RNF10: variants seen among roughly 807,000 people sequenced by gnomAD.
RNF10 encodes E3 ubiquitin-protein ligase RNF10.
RNF10 carries 38 observed loss-of-function variants against 91.4 expected under a neutral mutation model. That is an observed-to-expected ratio of 0.42 (90% CI 0.32 to 0.54). The LOEUF (loss-of-function observed/expected upper bound fraction) is 0.54, where lower values mean the gene tolerates loss of function less well. RNF10 is among the 20% of genes least tolerant of loss of function. The pLI is 0.16. For synonymous variants in RNF10, 364 were observed against 366.3 expected (o/e 0.99, Z 0.07); for missense variants, 945 against 1,012.0 (o/e 0.93, Z 0.90).
At chr12:120,550,341 A>G (rs1370848745) in intron 2 of RNF10, among the ~76,000 whole-genome samples, 2 of 152,064 alleles carry the variant, frequency 1.3e-5, no homozygotes, top group South Asian at 2.1e-4. Context: ...ATCAGGAAGT[A>G]TGAGTGGCGT....
At chr12:120,542,874 C>A (rs1167394783) in intron 1 of RNF10, among the ~76,000 whole-genome samples, 1 of 152,120 alleles carries the variant, frequency 6.6e-6, no homozygotes, top group African/African-American at 2.4e-5. Flanking sequence ...AGGTAAGGGT[C>A]ACTGTCCGTA....
At chr12:120,549,802 AAATAAAT>A (rs1872779149) in intron 2 of RNF10, among the ~76,000 whole-genome samples, 1 of 152,196 alleles carries the variant, frequency 6.6e-6, no homozygotes, top group African/African-American at 2.4e-5. Flanking sequence ...ATAAGTGAAT[AAATAAAT>A]AATAAATAAA....
intron 13 of RNF10, among the ~76,000 whole-genome samples, chr12:120,568,112 G>A (rs986183802): frequency 6.6e-6 from 1 of 152,082 alleles, no homozygotes; most frequent in African/African-American, 2.4e-5. Flanking sequence ...AGGTGTGGTA[G>A]TGTGTACCTG....
intron 14 of RNF10, among the ~76,000 whole-genome samples, chr12:120,572,789 C>T (rs1472822505): frequency 6.6e-6 from 1 of 151,568 alleles, no homozygotes; most frequent in Non-Finnish European, 1.5e-5. Flanking sequence ...TTAGTAGAGA[C>T]AGGGTTTTAC....
intron 14 of RNF10, among the ~76,000 whole-genome samples, chr12:120,572,030 T>C (rs1876706571): frequency 2.0e-5 from 3 of 151,490 alleles, no homozygotes; most frequent in African/African-American, 7.3e-5. Flanking sequence ...ATAAACTTCT[T>C]TGAGGCTAGT....
chr12:120,572,503 G>T (rs1876794531), intron 14 of RNF10, among the ~76,000 whole-genome samples: 1 of 152,224 alleles, frequency 6.6e-6, no homozygotes, highest in African/African-American at 2.4e-5. Context: ...TGGAGGTGAG[G>T]TGAGAAGAGA....
At chr12:120,555,418 G>A (rs2137191160) in intron 4 of RNF10, among the ~76,000 whole-genome samples, 1 of 151,874 alleles carries the variant, frequency 6.6e-6, no homozygotes, top group East Asian at 1.9e-4. Context: ...CTGACTGCAA[G>A]TGATCCACCC....
intron 16 of RNF10, 92 bp downstream of exon 16, chr12:120,576,042 T>A (rs1877347786): frequency 5.3e-6 from 7 of 1,322,264 alleles, no homozygotes; most frequent in Admixed American, 3.4e-5. Flanking sequence ...CATCACTAAT[T>A]AGGCTCTTTC....
At chr12:120,564,988 AT>A (rs1875465583) in intron 10 of RNF10, 83 bp from the exon 11 acceptor site, 6 of 833,514 alleles carry the variant, frequency 7.2e-6, no homozygotes, top group Non-Finnish European at 1.0e-5. Context: ...TGTTATGTAT[AT>A]ATTGTTGGAT....
chr12:120,556,530 CAAAAAAAAAAAAA>C (rs34889649), intron 4 of RNF10, among the ~76,000 whole-genome samples: 4 of 19,206 alleles, frequency 2.1e-4, no homozygotes, highest in South Asian at 3.1e-3. Flanking sequence ...GACTCCGTCT[CAAAAAAAAAAAAA>C]AAAAAAAAAA....
At chr12:120,546,091 T>A in intron 1 of RNF10, among the ~76,000 whole-genome samples, 1 of 152,368 alleles carries the variant, frequency 6.6e-6, no homozygotes, top group East Asian at 1.9e-4. Context: ...CCTGTAACTT[T>A]ATCTGACTGA....
chr12:120,575,522 C>A lies in RNF10; in HGVS notation c.2143-109C>A. 5 of 1,177,216 alleles carry A rather than the reference C, an allele frequency of 4.2e-6. No individual in the cohort carries two copies. The South Asian group carries it at 6.6e-5, about 15-fold the overall frequency. 72.9% of individuals were successfully genotyped at this position (1,177,216 alleles called of 1,614,324 possible). ...GAGAGAAGTACCTGGAAAATCTTTT[C>A]AAAGGTGATAGTTGGTTCTGTGCCT... On this transcript the variant is annotated intron_variant, in intron 14 of 16. Coordinates refer to ENST00000325954, the MANE Select transcript of RNF10 (RefSeq NM_014868.5).
chr12:120,561,557 A>G (rs1032826694), intron 7 of RNF10, among the ~76,000 whole-genome samples: 7 of 152,214 alleles, frequency 4.6e-5, no homozygotes, highest in Non-Finnish European at 7.3e-5. Context: ...ATAGAAGCCC[A>G]TATTTATTGA....
chr12:120,554,938 C>G (rs1346669424), intron 4 of RNF10, 130 bp downstream of exon 4: 2 of 725,990 alleles, frequency 2.8e-6, no homozygotes, highest in Admixed American at 2.3e-5. Context: ...ATAGATGTTT[C>G]CCAGAGGTCA....
At chr12:120,552,779 A>C (rs12309824) in intron 3 of RNF10, 81 bp downstream of exon 3, 390,108 of 1,242,164 alleles carry the variant, frequency 0.31, 64,280 homozygotes, top group East Asian at 0.51. Flanking sequence ...GGCTTTTTTT[A>C]AGCTATTGTG....
intron 1 of RNF10, among the ~76,000 whole-genome samples, chr12:120,544,308 C>T (rs981437171): frequency 1.3e-5 from 2 of 149,852 alleles, no homozygotes; most frequent in African/African-American, 4.9e-5. Flanking sequence ...TTGCTTGAGT[C>T]CAGGAGTTGG....
intron 14 of RNF10, 164 bp from the exon 15 acceptor site, chr12:120,575,467 T>C: frequency 2.8e-6 from 2 of 712,816 alleles, no homozygotes; most frequent in East Asian, 2.5e-5. Context: ...AGCCAGGATA[T>C]AGAGGACATG....
At position 120,577,088 on chromosome 12, in the gene RNF10, A is replaced by G. The variant is rs758361509; in HGVS notation, c.*422A>G. 3 of 422,038 alleles carry G rather than the reference A, an allele frequency of 7.1e-6. No homozygotes were observed. The highest frequency in any genetic ancestry group is 1.4e-5 in the Non-Finnish European group (3 of 213,280). 26.1% of individuals were successfully genotyped at this position (422,038 alleles called of 1,614,324 possible). A position where few individuals can be genotyped will look rare whatever the true frequency, so the allele number is the denominator to read the frequency against. Reference sequence around the variant, plus strand: ...CAGTACACCTCTCAGTTTGTCTTTTAAAAAACAGCTGAATCTTTACTACCT... The same window carrying G: ...CAGTACACCTCTCAGTTTGTCTTTTGAAAAACAGCTGAATCTTTACTACCT... On this transcript the variant is annotated 3_prime_UTR_variant, in exon 17 of 17. Coordinates refer to ENST00000325954, the MANE Select transcript of RNF10 (RefSeq NM_014868.5).
chr12:120,560,893 G>A lies in RNF10; in HGVS notation c.1128+7G>A, dbSNP rs752839772. 6.2e-7 allele frequency: 1 copy of A among 1,613,362 alleles called. No homozygotes were observed. Among genetic ancestry groups the A allele is most frequent in the Non-Finnish European group, 8.5e-7 (1 of 1,179,532 alleles). On this transcript the variant is annotated splice_region_variant and intron_variant, in intron 7 of 16. Transcript: ENST00000325954. ...AGCTATCCAGGAGCTCAAGGTGAGA[G>A]GATGCATTGGAGATGCTAAACCTTT... is the stretch of plus-strand genomic sequence containing the variant.
Sources: gnomAD v4.1 joint callset for allele counts (sites outside exome capture counted in the v4.1 genomes callset) on GRCh38, gnomAD v4.1.1 for gene constraint, MANE v1.5 for transcripts, NCBI Gene and HGNC (gene_info 2026-07-23, HGNC 2026-07-21) for gene names.